The following RNF214 variants were observed in gnomAD, a reference collection of about 807,000 sequenced individuals.
RNF214 encodes ring finger protein 214.
RNF214 carries 25 observed loss-of-function variants against 75.9 expected under a neutral mutation model. The observed-to-expected ratio is 0.33, with a 90% confidence interval of 0.24 to 0.46. The LOEUF is 0.46. RNF214 is among the 20% of genes least tolerant of loss of function. The probability of loss-of-function intolerance (pLI) is 1.00; values close to 1 mark genes in which losing one functional copy is unlikely to be tolerated. For missense variants in RNF214, 725 were observed against 857.5 expected, an observed-to-expected ratio of 0.85 and a Z score of 1.93; for synonymous variants, 314 against 308.8, an observed-to-expected ratio of 1.02 and a Z score of -0.18.
In RNF214 at chr11:117,239,739, G is replaced by C. The variant is rs531739308; in HGVS notation, c.619-62G>C. ...ACCTGTGGCGGAATTCTAGGTGTTA[G>C]TGATTCTGCCTCTTTTAAAGTGTCT... On this transcript the variant is annotated intron_variant, in intron 3 of 14. Transcript: ENST00000300650. 8 of 886,710 alleles carry C rather than the reference G, an allele frequency of 9.0e-6. No homozygotes were observed. The Admixed American group carries it at 1.3e-4, about 14-fold the overall frequency. 54.9% of individuals were successfully genotyped at this position (886,710 alleles called of 1,614,324 possible).
chr11:117,273,592 A>G (rs768202578), intron 6 of RNF214, among the ~76,000 whole-genome samples: 2 of 152,192 alleles, frequency 1.3e-5, no homozygotes, highest in Non-Finnish European at 2.9e-5. Context: ...GCAGTAGTAG[A>G]TCAGTTACAT....
At chr11:117,247,026 T>C in intron 6 of RNF214, 78 bp downstream of exon 6, 1 of 1,170,698 alleles carries the variant, frequency 8.5e-7, no homozygotes, top group South Asian at 2.8e-5. Context: ...ATTTGTAGTT[T>C]CTTTCCCTTC....
chr11:117,268,856 A>G (rs1010333964), intron 6 of RNF214, among the ~76,000 whole-genome samples: 2 of 152,152 alleles, frequency 1.3e-5, no homozygotes, highest in African/African-American at 4.8e-5. Context: ...GCAATGATTC[A>G]TAAGTTTGAG....
At chr11:117,280,446 G>A (rs2034104223) in intron 8 of RNF214, among the ~76,000 whole-genome samples, 187 bp downstream of exon 8, 2 of 152,172 alleles carry the variant, frequency 1.3e-5, no homozygotes, top group Admixed American at 6.5e-5. Context: ...GTTCTGTACT[G>A]TAACTCTTCC....
chr11:117,252,467 C>T (rs1293897399), intron 6 of RNF214, among the ~76,000 whole-genome samples: 2 of 152,144 alleles, frequency 1.3e-5, no homozygotes, highest in Non-Finnish European at 2.9e-5. Context: ...TACGTTTTAA[C>T]TTAAATTCTG....
At chr11:117,239,765 CTG>C (rs750721692) in intron 3 of RNF214, 34 bp from the exon 4 acceptor site, 1 of 1,191,448 alleles carries the variant, frequency 8.4e-7, no homozygotes, top group African/African-American at 1.5e-5. Flanking sequence ...TAAAGTGTCT[CTG>C]AACGATTCTA....
At chr11:117,279,127 C>T (rs2034075197) in intron 6 of RNF214, among the ~76,000 whole-genome samples, 1 of 152,034 alleles carries the variant, frequency 6.6e-6, no homozygotes, top group African/African-American at 2.4e-5. Context: ...AAGTGGACCC[C>T]TGTGTTTGGT....
chr11:117,248,930 T>A lies in RNF214; in HGVS notation c.959+1982T>A, dbSNP rs543292871. On this transcript the variant is annotated intron_variant, in intron 6 of 14. Coordinates refer to ENST00000300650, the MANE Select transcript of RNF214 (RefSeq NM_207343.4). ...TTCCTTTTGATGTGTGTTCTTTACA[T>A]TCTTTTTTTTTTTGAGACAGTCTTG... Among the ~76,000 whole-genome samples, 34 of 152,206 alleles carry A rather than the reference T, an allele frequency of 2.2e-4. 2 individuals are homozygous for A. In the South Asian group the frequency reaches 6.0e-3, roughly 27 times the overall value.
chr11:117,281,525 C>G lies in RNF214; in HGVS notation c.1237-75C>G, dbSNP rs2034126821. On this transcript the variant is annotated intron_variant, in intron 9 of 14. Transcript: ENST00000300650. ...CTATCCTACTATTCCTTTTGTTTTC[C>G]TGATAATGGATGGTGCTGTCTTTCT... is the stretch of plus-strand genomic sequence containing the variant. The G allele has an allele frequency of 1.6e-5, 22 of 1,419,136 alleles. No homozygotes were observed. The South Asian group carries it at 2.5e-4, about 16-fold the overall frequency. 87.9% of individuals were successfully genotyped at this position (1,419,136 alleles called of 1,614,324 possible).
chr11:117,257,223 C>T (rs2033546472), intron 6 of RNF214, among the ~76,000 whole-genome samples: 1 of 152,076 alleles, frequency 6.6e-6, no homozygotes, highest in Admixed American at 6.6e-5. Context: ...TGTAGTCCCA[C>T]TACTTGGGGG....
intron 1 of RNF214, among the ~76,000 whole-genome samples, chr11:117,233,739 C>T (rs887237375): frequency 6.6e-6 from 1 of 152,156 alleles, no homozygotes; most frequent in Non-Finnish European, 1.5e-5. Flanking sequence ...GTGGGGAGCA[C>T]GCTGACAGTA....
chr11:117,235,911 A>G (rs955026140), intron 2 of RNF214, among the ~76,000 whole-genome samples: 4 of 152,028 alleles, frequency 2.6e-5, no homozygotes, highest in Admixed American at 6.6e-5. Context: ...GGTTGAGTCC[A>G]TGAATGTGGA....
At chr11:117,254,474 T>C (rs1309216472) in intron 6 of RNF214, among the ~76,000 whole-genome samples, 1 of 152,142 alleles carries the variant, frequency 6.6e-6, no homozygotes, top group Non-Finnish European at 1.5e-5. Flanking sequence ...CTGGAAGTAT[T>C]TCTTTCCATA....
intron 3 of RNF214, 42 bp downstream of exon 3, chr11:117,239,153 T>G: frequency 6.6e-7 from 1 of 1,518,842 alleles, no homozygotes; most frequent in Non-Finnish European, 8.9e-7. Context: ...AATTGGGGGG[T>G]GGTGGGGTTC....
At chr11:117,259,486 A>ATTC (rs1297390494) in intron 6 of RNF214, among the ~76,000 whole-genome samples, 2 of 152,240 alleles carry the variant, frequency 1.3e-5, no homozygotes, top group East Asian at 3.8e-4. Flanking sequence ...TTTATAAGAA[A>ATTC]TGGCCAGATA....
At chr11:117,278,410 C>T (rs934167478) in intron 6 of RNF214, among the ~76,000 whole-genome samples, 6 of 152,138 alleles carry the variant, frequency 3.9e-5, no homozygotes, top group African/African-American at 1.2e-4. Context: ...CTATTCTGTC[C>T]ACTGATCTTG....
intron 5 of RNF214, among the ~76,000 whole-genome samples, chr11:117,246,351 GTATT>G (rs2033226291): frequency 6.6e-6 from 1 of 151,350 alleles, no homozygotes; most frequent in South Asian, 2.1e-4. Context: ...ATATATGTAT[GTATT>G]TGTTGTTGTT....
chr11:117,283,731 G>A (rs745944456), intron 14 of RNF214, among the ~76,000 whole-genome samples: 15 of 152,072 alleles, frequency 9.9e-5, no homozygotes, highest in Admixed American at 2.6e-4. Flanking sequence ...CACGATTATA[G>A]CTCACTATAG....
intron 6 of RNF214, among the ~76,000 whole-genome samples, chr11:117,254,072 G>A (rs745441352): frequency 2.0e-5 from 3 of 152,026 alleles, no homozygotes; most frequent in Non-Finnish European, 4.4e-5. Flanking sequence ...TGGCCAACAT[G>A]GCGAAACCCC....
Sources: allele counts gnomAD v4.1 joint callset (sites outside exome capture counted in the v4.1 genomes callset), GRCh38; gene constraint gnomAD v4.1.1; transcripts MANE v1.5; gene names NCBI Gene and HGNC (gene_info 2026-07-23, HGNC 2026-07-21).